Variants in NRXN3 observed in about 807,000 individuals in gnomAD.
The protein encoded by NRXN3 is neurexin III.
In NRXN3, 32 loss-of-function variants were observed where a neutral mutation model predicts 137.6. The ratio of observed to expected loss-of-function variants is 0.23; its 90% CI spans 0.18 to 0.31. NRXN3 has a LOEUF of 0.31. NRXN3 is among the 10% of genes least tolerant of loss of function. The pLI is 1.00. For missense variants in NRXN3, 1,574 were observed against 2,062.5 expected (o/e 0.76, Z 4.59); for synonymous variants, 798 against 784.5 (o/e 1.02, Z -0.29).
chr14:78,244,591 G>A (rs140551080), intron 2 of NRXN3, among the ~76,000 whole-genome samples: 20 of 152,250 alleles, frequency 1.3e-4, no homozygotes, highest in African/African-American at 4.1e-4. Flanking sequence ...AATGAACCCA[G>A]TTCTTCTATT....
At chr14:79,138,194 C>G (rs111283149) in intron 15 of NRXN3, among the ~76,000 whole-genome samples, 6 of 152,268 alleles carry the variant, frequency 3.9e-5, no homozygotes, top group Admixed American at 3.9e-4. Context: ...TTTGCTCTGT[C>G]ACCCAGGCTG....
At chr14:79,011,923 A>T (rs2152400079) in intron 15 of NRXN3, among the ~76,000 whole-genome samples, 1 of 152,364 alleles carries the variant, frequency 6.6e-6, no homozygotes, top group Non-Finnish European at 1.5e-5. Flanking sequence ...AAATAACATT[A>T]TTCCAAATTC....
At chr14:78,194,845 C>T (rs190822254) in intron 1 of NRXN3, among the ~76,000 whole-genome samples, 29 of 152,336 alleles carry the variant, frequency 1.9e-4, no homozygotes, top group South Asian at 1.9e-3. Flanking sequence ...CAGCAATCTA[C>T]GCCCCGGCTG....
chr14:79,568,464 G>A (rs190970077), intron 16 of NRXN3, among the ~76,000 whole-genome samples: 22 of 152,252 alleles, frequency 1.4e-4, no homozygotes, highest in Non-Finnish European at 2.5e-4. Context: ...TTCCAAATGT[G>A]TAGATTTTGA....
intron 15 of NRXN3, among the ~76,000 whole-genome samples, chr14:79,296,535 G>A (rs907896307): frequency 2.6e-5 from 4 of 151,902 alleles, no homozygotes; most frequent in African/African-American, 9.7e-5. Flanking sequence ...AAGGGCTGGT[G>A]AAGGAGTTTG....
intron 4 of NRXN3, among the ~76,000 whole-genome samples, chr14:78,385,608 A>G (rs957547965): frequency 2.6e-5 from 4 of 152,180 alleles, no homozygotes; most frequent in Admixed American, 1.3e-4. Flanking sequence ...TGATTGGGAA[A>G]TATTCTATGT....
intron 15 of NRXN3, among the ~76,000 whole-genome samples, chr14:79,188,833 T>C (rs1252509555): frequency 6.6e-6 from 1 of 151,998 alleles, no homozygotes; most frequent in Non-Finnish European, 1.5e-5. Flanking sequence ...AAAACCACAA[T>C]GAGATACCAT....
chr14:79,515,641 C>A (rs1280548136), intron 16 of NRXN3, among the ~76,000 whole-genome samples: 1 of 141,548 alleles, frequency 7.1e-6, no homozygotes, highest in Non-Finnish European at 1.5e-5. Flanking sequence ...TCCTCTTCCT[C>A]TCCCTTCCTT....
chr14:79,232,578 G>A (rs1383610930), intron 15 of NRXN3, among the ~76,000 whole-genome samples: 1 of 152,064 alleles, frequency 6.6e-6, no homozygotes, highest in Non-Finnish European at 1.5e-5. Context: ...TTCGGTTACA[G>A]GTTGCTCACT....
At chr14:79,396,107 C>T (rs1384344118) in intron 15 of NRXN3, among the ~76,000 whole-genome samples, 1 of 151,806 alleles carries the variant, frequency 6.6e-6, no homozygotes. Context: ...GATTTTTATT[C>T]CATAGCTATT....
chr14:79,786,750 A>G (rs1455291698), intron 19 of NRXN3, among the ~76,000 whole-genome samples: 1 of 152,238 alleles, frequency 6.6e-6, no homozygotes, highest in Non-Finnish European at 1.5e-5. Flanking sequence ...TATGTAAGAA[A>G]GAACAGTCTA....
intron 4 of NRXN3, among the ~76,000 whole-genome samples, chr14:78,603,172 C>T (rs2097216116): frequency 1.3e-5 from 2 of 152,146 alleles, no homozygotes; most frequent in Non-Finnish European, 2.9e-5. Flanking sequence ...CTTTCCCTTT[C>T]CCCAGGGTTC....
intron 15 of NRXN3, among the ~76,000 whole-genome samples, chr14:79,341,335 G>A (rs867593274): frequency 6.6e-6 from 1 of 152,094 alleles, no homozygotes; most frequent in African/African-American, 2.4e-5. Context: ...TGGTAATGAG[G>A]GTAGGTGTGT....
At chr14:79,506,632 A>G (rs982109251) in intron 16 of NRXN3, among the ~76,000 whole-genome samples, 2 of 151,988 alleles carry the variant, frequency 1.3e-5, no homozygotes, top group Non-Finnish European at 2.9e-5. Context: ...CTTTTCCTCT[A>G]CTATTCTATC....
intron 8 of NRXN3, among the ~76,000 whole-genome samples, chr14:78,780,887 A>C (rs1486395190): frequency 6.6e-6 from 1 of 152,220 alleles, no homozygotes; most frequent in Non-Finnish European, 1.5e-5. Context: ...TTTGAAATAC[A>C]ATTTAGCATT....
At chr14:78,605,841 A>G (rs17107909) in intron 4 of NRXN3, among the ~76,000 whole-genome samples, 7,319 of 152,266 alleles carry the variant, frequency 0.048, 648 homozygotes, top group African/African-American at 0.17. Context: ...TATTGGAACC[A>G]CTTTTTAAAA....
intron 19 of NRXN3, among the ~76,000 whole-genome samples, chr14:79,708,332 ATGCCATTT>A (rs2098789472): frequency 5.3e-5 from 8 of 152,138 alleles, no homozygotes; most frequent in Admixed American, 5.2e-4. Flanking sequence ...TGCAAATACT[ATGCCATTT>A]TATATTGAGG....
chr14:78,529,363 G>A (rs1234632286), intron 4 of NRXN3, among the ~76,000 whole-genome samples: 1 of 152,146 alleles, frequency 6.6e-6, no homozygotes, highest in African/African-American at 2.4e-5. Flanking sequence ...CCTGAGTTGG[G>A]TGTAAATGGT....
chr14:79,496,724 A>G (rs2096771295), intron 16 of NRXN3, among the ~76,000 whole-genome samples: 1 of 152,182 alleles, frequency 6.6e-6, no homozygotes, highest in Non-Finnish European at 1.5e-5. Flanking sequence ...AAGTTTGTTT[A>G]CTAGATTGAC....
Sources: gnomAD v4.1 joint callset for allele counts (sites outside exome capture counted in the v4.1 genomes callset) on GRCh38, gnomAD v4.1.1 for gene constraint, MANE v1.5 for transcripts, NCBI Gene and HGNC (gene_info 2026-07-23, HGNC 2026-07-21) for gene names.